The following SMARCD3 variants were observed in gnomAD, a reference collection of about 807,000 sequenced individuals.
SMARCD3 encodes SWI/SNF-related matrix-associated actin-dependent regulator of chromatin subfamily D member 3.
In SMARCD3, 14 loss-of-function variants were observed where a neutral mutation model predicts 58.0. That is an observed-to-expected ratio of 0.24 (90% CI 0.16 to 0.38). The LOEUF is 0.38. SMARCD3 is among the 10% of genes least tolerant of loss of function. The pLI, the probability that SMARCD3 is intolerant of heterozygous loss-of-function variation, is 1.00. For missense variants in SMARCD3, 408 were observed against 636.9 expected (o/e 0.64, Z 3.87); for synonymous variants, 253 against 253.8 (o/e 1.00, Z 0.03).
chr7:151,274,043 G>A (rs956372187), intron 2 of SMARCD3, among the ~76,000 whole-genome samples: 39 of 152,284 alleles, frequency 2.6e-4, no homozygotes, highest in Admixed American at 2.2e-3. Flanking sequence ...AGGCTCCTCT[G>A]GGCCATTTCC....
At chr7:151,275,081 T>C in intron 2 of SMARCD3, 4 of 1,599,052 alleles carry the variant, frequency 2.5e-6, no homozygotes, top group Non-Finnish European at 3.4e-6. Context: ...CCAGAGCTTC[T>C]GCTCCTGGGC....
chr7:151,251,457 T>C (rs572111563), upstream of SMARCD3, among the ~76,000 whole-genome samples: 1 of 152,140 alleles, frequency 6.6e-6, no homozygotes, highest in Non-Finnish European at 1.5e-5. Flanking sequence ...CACATTTGCG[T>C]ACTGCTTTTA....
chr7:151,271,905 G>A (rs894318233), intron 2 of SMARCD3, among the ~76,000 whole-genome samples: 2 of 152,198 alleles, frequency 1.3e-5, no homozygotes, highest in Admixed American at 1.3e-4. Flanking sequence ...GCTGCAGTGA[G>A]CCATGATCAC....
chr7:151,259,738 T>C (rs1803855481), intron 2 of SMARCD3, among the ~76,000 whole-genome samples: 1 of 149,326 alleles, frequency 6.7e-6, no homozygotes. Context: ...GCCTCCCAAG[T>C]AGCTGGGATT....
chr7:151,257,020 C>A (rs1342791373), intron 2 of SMARCD3, among the ~76,000 whole-genome samples: 2 of 152,202 alleles, frequency 1.3e-5, no homozygotes, highest in Non-Finnish European at 2.9e-5. Context: ...AGTACTGTTA[C>A]ATCCCCATTG....
chr7:151,239,819 G>A lies in SMARCD3; in HGVS notation c.1174-73C>T. ...GAGACGAGGGGAAAGGAAGCGGGTG[G>A]GAAGGGGAGGGAGAGGGGGTTTCTT... On this transcript the variant is annotated intron_variant, in intron 10 of 12. Coordinates refer to ENST00000262188, the MANE Select transcript of SMARCD3 (RefSeq NM_001003801.2). This position sits in a 1 kb window ranked among gnomAD's most constrained non-coding sequence, Gnocchi z 7.0. 2.0e-6 allele frequency: 3 copies of A among 1,484,538 alleles called. No individual in the cohort carries two copies. Among genetic ancestry groups the A allele is most frequent in the Non-Finnish European group, 2.8e-6 (3 of 1,068,666 alleles). The allele number at this position is 1,484,538 out of a possible 1,614,324, so 92.0% of individuals were successfully genotyped here. A position where few individuals can be genotyped will look rare whatever the true frequency, so the allele number is the denominator to read the frequency against.
At position 151,245,382 on chromosome 7, in the gene SMARCD3, C is replaced by A. The variant is rs978877016; in HGVS notation, c.290+78G>T. On this transcript the variant is annotated intron_variant, in intron 2 of 12. Coordinates refer to ENST00000262188, the MANE Select transcript of SMARCD3 (RefSeq NM_001003801.2). The surrounding 1 kb of genome is among the most constrained non-coding windows in gnomAD (Gnocchi z 6.2). ...TCTTCCTCGCCCCTTCCAATCCCCG[C>A]TACTCGCTTACCTGGTCCCTGCGGG... 5.7e-5 allele frequency: 30 copies of A among 530,032 alleles called. No homozygotes were observed. The highest frequency in any genetic ancestry group is 5.5e-4 in the East Asian group (15 of 27,210). The allele number at this position is 530,032 out of a possible 1,614,324, so 32.8% of individuals were successfully genotyped here. A position where few individuals can be genotyped will look rare whatever the true frequency, so the allele number is the denominator to read the frequency against.
intron 2 of SMARCD3, among the ~76,000 whole-genome samples, chr7:151,262,415 C>T (rs1357459865): frequency 1.3e-5 from 2 of 152,188 alleles, no homozygotes; most frequent in Non-Finnish European, 2.9e-5. Flanking sequence ...TTTGTAAGGC[C>T]AGTTATTGGC....
chr7:151,268,330 G>A (rs1468734774), intron 2 of SMARCD3, among the ~76,000 whole-genome samples: 2 of 152,216 alleles, frequency 1.3e-5, no homozygotes, highest in African/African-American at 4.8e-5. Context: ...GCTGAGGAGG[G>A]GCTGCCCCTT....
upstream of SMARCD3, among the ~76,000 whole-genome samples, chr7:151,251,299 T>G (rs775531608): frequency 3.3e-5 from 5 of 151,858 alleles, no homozygotes; most frequent in Non-Finnish European, 7.4e-5. Context: ...TAGATACACC[T>G]TGCACACACA....
chr7:151,264,486 G>A (rs899072625), intron 2 of SMARCD3, among the ~76,000 whole-genome samples: 39 of 152,286 alleles, frequency 2.6e-4, no homozygotes, highest in African/African-American at 7.7e-4. Flanking sequence ...AGGCCATCCC[G>A]AAGCCCAGGG....
At chr7:151,247,710 AGCCGG>A (rs3838329) in intron 1 of SMARCD3, among the ~76,000 whole-genome samples, 44,849 of 148,346 alleles carry the variant, frequency 0.3, 6,920 homozygotes, top group South Asian at 0.45. Context: ...TACCCCTCCC[AGCCGG>A]GCCCTACTGA....
Position 151,273,973 on chromosome 7 carries a change from G to A in SMARCD3, c.39+1141C>T, listed in dbSNP as rs372032928. Among the ~76,000 whole-genome samples the A allele has an allele frequency of 4.6e-5, 7 of 152,240 alleles. No individual in the cohort carries two copies. The South Asian group carries it at 8.3e-4, about 18-fold the overall frequency. The stretch of plus-strand genomic sequence containing the variant: ...ATGAGTTCCTCTGCCCACTTCTGAG[G>A]AAGGAGAAGCAGAGAAAGCACTTTC... On this transcript the variant is annotated intron_variant, in intron 2 of 13. Transcript: ENST00000356800.
chr7:151,248,704 GC>G, upstream of SMARCD3: 1 of 1,366,656 alleles, frequency 7.3e-7, no homozygotes, highest in Non-Finnish European at 9.5e-7. The surrounding 1 kb of genome is among the most constrained non-coding windows in gnomAD (Gnocchi z 6.1). Flanking sequence ...TGGGGAGGGG[GC>G]CCCTTCAGGG....
At chr7:151,253,638 T>G (rs1803601471), upstream of SMARCD3, among the ~76,000 whole-genome samples, 1 of 152,126 alleles carries the variant, frequency 6.6e-6, no homozygotes, top group Non-Finnish European at 1.5e-5. Context: ...AAGGCACATT[T>G]TGGATTCACA....
Position 151,241,716 on chromosome 7 carries a change from G to A in SMARCD3, c.778-63C>T, listed in dbSNP as rs1802995667. 2.0e-6 allele frequency: 3 copies of A among 1,503,728 alleles called. No individual in the cohort carries two copies. The South Asian group carries it at 3.5e-5, about 18-fold the overall frequency. The allele number at this position is 1,503,728 out of a possible 1,614,324, so 93.1% of individuals were successfully genotyped here. A position where few individuals can be genotyped will look rare whatever the true frequency, so the allele number is the denominator to read the frequency against. On this transcript the variant is annotated intron_variant, in intron 7 of 12. Coordinates refer to ENST00000262188, the MANE Select transcript of SMARCD3 (RefSeq NM_001003801.2). The surrounding 1 kb of genome is among the most constrained non-coding windows in gnomAD (Gnocchi z 5.3). ...GAGAAAGGAAGGAGCCCAGGGCCAGGCCATTCAGGACTAGGGGGATGTGTT... is the reference window on the plus strand; with the variant it reads ...GAGAAAGGAAGGAGCCCAGGGCCAGACCATTCAGGACTAGGGGGATGTGTT...
chr7:151,248,774 C>G, upstream of SMARCD3: 4 of 822,974 alleles, frequency 4.9e-6, no homozygotes, highest in African/African-American at 1.8e-5. The surrounding 1 kb of genome is among the most constrained non-coding windows in gnomAD (Gnocchi z 6.1). Context: ...CCGCCGCCGC[C>G]GCGGCTGCCG....
chr7:151,258,992 C>T (rs1803806521), intron 2 of SMARCD3, among the ~76,000 whole-genome samples: 1 of 152,162 alleles, frequency 6.6e-6, no homozygotes, highest in Admixed American at 6.6e-5. Flanking sequence ...AGGACCCTAC[C>T]CTTCCACCCT....
At chr7:151,264,051 A>G (rs1191133239) in intron 2 of SMARCD3, among the ~76,000 whole-genome samples, 2 of 145,680 alleles carry the variant, frequency 1.4e-5, no homozygotes, top group Non-Finnish European at 3.0e-5. Context: ...AGGTTCCTGA[A>G]GACAGGATTT....
Sources: gnomAD v4.1 joint callset for allele counts (sites outside exome capture counted in the v4.1 genomes callset) on GRCh38, gnomAD v4.1.1 for gene constraint, Gnocchi (gnomAD v3.1) non-coding constraint, MANE v1.5 for transcripts, NCBI Gene and HGNC (gene_info 2026-07-23, HGNC 2026-07-21) for gene names.